Variants in KCNN3 observed in about 807,000 individuals in gnomAD.
KCNN3 encodes potassium calcium-activated channel subfamily N member 3.
KCNN3 carries 16 observed loss-of-function variants against 62.9 expected under a neutral mutation model. The ratio of observed to expected loss-of-function variants is 0.25; its 90% CI spans 0.17 to 0.39. The LOEUF is 0.39. KCNN3 is among the 10% of genes least tolerant of loss of function. The probability of loss-of-function intolerance (pLI) is 1.00; values close to 1 mark genes in which losing one functional copy is unlikely to be tolerated. For missense variants in KCNN3, 599 were observed against 949.4 expected, an observed-to-expected ratio of 0.63 and a Z score of 4.85; for synonymous variants, 370 against 389.2, an observed-to-expected ratio of 0.95 and a Z score of 0.58.
chr1:154,750,646 TC>T (rs1460851787), intron 3 of KCNN3, among the ~76,000 whole-genome samples: 1 of 151,922 alleles, frequency 6.6e-6, no homozygotes, highest in Non-Finnish European at 1.5e-5. Context: ...CTTACCCGTT[TC>T]CCACACTAGA....
chr1:154,780,842 G>T (rs1024323062), intron 2 of KCNN3, among the ~76,000 whole-genome samples: 1 of 152,100 alleles, frequency 6.6e-6, no homozygotes, highest in African/African-American at 2.4e-5. Flanking sequence ...GGCGGGTGGG[G>T]GTTGGGAAGC....
intron 2 of KCNN3, among the ~76,000 whole-genome samples, chr1:154,817,424 C>A (rs759193050): frequency 2.0e-5 from 3 of 152,294 alleles, no homozygotes; most frequent in Admixed American, 2.0e-4. Flanking sequence ...GAGGCTTTCC[C>A]GAAACTGGGT....
At chr1:154,741,603 G>A (rs1007117727) in intron 3 of KCNN3, among the ~76,000 whole-genome samples, 8 of 151,976 alleles carry the variant, frequency 5.3e-5, no homozygotes, top group Non-Finnish European at 8.8e-5. Flanking sequence ...GACACTAGCT[G>A]TGATCTGTTA....
intron 6 of KCNN3, among the ~76,000 whole-genome samples, chr1:154,714,575 T>G (rs1272167337): frequency 5.2e-5 from 5 of 95,496 alleles, no homozygotes; most frequent in Non-Finnish European, 6.4e-5. Flanking sequence ...GTGGTGTGTG[T>G]GTGTGGTGTG....
chr1:154,791,705 ACT>A (rs1649527917), intron 2 of KCNN3, among the ~76,000 whole-genome samples: 1 of 152,122 alleles, frequency 6.6e-6, no homozygotes, highest in Non-Finnish European at 1.5e-5. Context: ...CTTGAGAGTG[ACT>A]CTGTGCCTCT....
intron 1 of KCNN3, among the ~76,000 whole-genome samples, chr1:154,829,859 C>T (rs2101901397): frequency 6.6e-6 from 1 of 152,304 alleles, no homozygotes; most frequent in South Asian, 2.1e-4. Flanking sequence ...GCTGGCCATG[C>T]CTGGTGTCTC....
chr1:154,726,969 G>A (rs1020023786), intron 4 of KCNN3, among the ~76,000 whole-genome samples: 14 of 152,186 alleles, frequency 9.2e-5, no homozygotes, highest in African/African-American at 3.4e-4. Flanking sequence ...AATAAGCAGG[G>A]AATTCCCTGC....
intron 7 of KCNN3, among the ~76,000 whole-genome samples, chr1:154,708,790 G>A (rs748566040): frequency 2.2e-4 from 34 of 152,242 alleles, no homozygotes; most frequent in Non-Finnish European, 4.0e-4. Context: ...AATAATAACT[G>A]TACACAGTTA....
Position 154,869,780 on chromosome 1 carries a change from T to C in KCNN3, c.185A>G (p.Gln62Arg), listed in dbSNP as rs1571354525. Residue 62 changes from glutamine (Q) to arginine (R), a missense_variant, in exon 1 of 8, where the codon CAG becomes CGG. By Grantham distance (43) the Gln-to-Arg change is conservative (BLOSUM62 1). Coordinates refer to ENST00000271915, the MANE Select transcript of KCNN3 (RefSeq NM_002249.6). This position sits in a 1 kb window ranked among gnomAD's most constrained non-coding sequence, Gnocchi z 6.1. ...CTGCTGCTGCTGAAGCTGCGGAGGC[T>C]GAGGCTGCAGCGAGGGTCCCAGGGG... is the stretch of plus-strand genomic sequence containing the variant. ...QQPLGPSLQP[Q>R]PPQLQQQQQQ... The C allele has an allele frequency of 6.7e-7, 1 of 1,486,932 alleles. No homozygotes were observed. The highest frequency in any genetic ancestry group is 1.2e-5 in the South Asian group (1 of 80,238). 92.1% of individuals were successfully genotyped at this position (1,486,932 alleles called of 1,614,324 possible).
intron 2 of KCNN3, among the ~76,000 whole-genome samples, chr1:154,821,035 C>T (rs1303528142): frequency 6.6e-6 from 1 of 152,238 alleles, no homozygotes; most frequent in African/African-American, 2.4e-5. Context: ...ACAAAGCACT[C>T]TCCCATGCGC....
At chr1:154,729,026 G>A (rs967943042) in intron 4 of KCNN3, among the ~76,000 whole-genome samples, 1 of 152,214 alleles carries the variant, frequency 6.6e-6, no homozygotes, top group African/African-American at 2.4e-5. Context: ...AGTCTGACAG[G>A]CCACAGTGGC....
intron 5 of KCNN3, among the ~76,000 whole-genome samples, chr1:154,721,301 CTTTT>C (rs34172435): frequency 2.5e-5 from 3 of 117,948 alleles, no homozygotes; most frequent in Admixed American, 8.7e-5. Flanking sequence ...TTTTTCTTTC[CTTTT>C]TTTTTTTTTT....
intron 2 of KCNN3, among the ~76,000 whole-genome samples, chr1:154,787,755 G>T (rs568251580): frequency 6.6e-6 from 1 of 152,296 alleles, no homozygotes; most frequent in African/African-American, 2.4e-5. Flanking sequence ...AAGAGGCCTT[G>T]TCTGCCTCCA....
At chr1:154,766,970 CG>C (rs1648325977) in intron 3 of KCNN3, among the ~76,000 whole-genome samples, 1 of 152,044 alleles carries the variant, frequency 6.6e-6, no homozygotes, top group Non-Finnish European at 1.5e-5. Context: ...CGTGAGCCAC[CG>C]AGCCTGGCCA....
intron 3 of KCNN3, among the ~76,000 whole-genome samples, chr1:154,755,427 C>T (rs917414812): frequency 2.1e-5 from 3 of 143,446 alleles, no homozygotes; most frequent in African/African-American, 5.1e-5. Flanking sequence ...TGTCATCATG[C>T]TATTGCATTC....
Position 154,698,457 on chromosome 1 carries a change from T to G in KCNN3, c.*9519A>C, listed in dbSNP as rs1699783925. ...CTCTCTGACTTGGCCCTGCCTATTA[T>G]GAAAGTGTCACCATGGGGGCAGGGA... On this transcript the variant is annotated 3_prime_UTR_variant, in exon 8 of 8. Coordinates refer to ENST00000271915, the MANE Select transcript of KCNN3 (RefSeq NM_002249.6). The G allele has an allele frequency of 6.6e-6, 1 of 152,234 alleles. No homozygotes were observed. The highest frequency in any genetic ancestry group is 2.4e-5 in the African/African-American group (1 of 41,434). The allele number at this position is 152,234 out of a possible 1,614,324, so 9.4% of individuals were successfully genotyped here. A position where few individuals can be genotyped will look rare whatever the true frequency, so the allele number is the denominator to read the frequency against.
At chr1:154,781,978 T>C (rs1423074525) in intron 2 of KCNN3, among the ~76,000 whole-genome samples, 1 of 152,176 alleles carries the variant, frequency 6.6e-6, no homozygotes, top group Non-Finnish European at 1.5e-5. Context: ...GGGCTCTCTA[T>C]GGAAGGGACC....
At chr1:154,842,265 G>A (rs765651765) in intron 1 of KCNN3, among the ~76,000 whole-genome samples, 2 of 152,150 alleles carry the variant, frequency 1.3e-5, no homozygotes, top group Non-Finnish European at 2.9e-5. Flanking sequence ...GAGCAGGTGC[G>A]GGTGTGGGAG....
chr1:154,821,354 G>A (rs1444107873), intron 2 of KCNN3, among the ~76,000 whole-genome samples: 1 of 152,206 alleles, frequency 6.6e-6, no homozygotes, highest in East Asian at 1.9e-4. Flanking sequence ...AGCAGTGCAG[G>A]TCAGCCTGAA....
Sources: gnomAD v4.1 joint callset for allele counts (sites outside exome capture counted in the v4.1 genomes callset) on GRCh38, gnomAD v4.1.1 for gene constraint, Gnocchi (gnomAD v3.1) non-coding constraint, MANE v1.5 for transcripts, NCBI Gene and HGNC (gene_info 2026-07-23, HGNC 2026-07-21) for gene names.